FAM13C: variants seen among roughly 807,000 people sequenced by gnomAD.
FAM13C encodes family with sequence similarity 13 member C, also known as protein FAM13C.
FAM13C carries 37 observed loss-of-function variants against 73.2 expected under a neutral mutation model. That is an observed-to-expected ratio of 0.51 (90% CI 0.39 to 0.67). The LOEUF (loss-of-function observed/expected upper bound fraction) is 0.67, where lower values mean the gene tolerates loss of function less well. FAM13C is among the 30% of genes least tolerant of loss of function. The pLI, the probability that FAM13C is intolerant of heterozygous loss-of-function variation, is 0.00. For missense variants in FAM13C, 589 were observed against 715.6 expected, an observed-to-expected ratio of 0.82 and a Z score of 2.02; for synonymous variants, 246 against 260.9, an observed-to-expected ratio of 0.94 and a Z score of 0.55.
intron 3 of FAM13C, 59 bp from the exon 4 acceptor site, chr10:59,324,165 T>C: frequency 1.5e-6 from 2 of 1,341,966 alleles, no homozygotes; most frequent in Non-Finnish European, 1.0e-6. Context: ...TCCATAGCAT[T>C]ATTATGCTGG....
At chr10:59,332,754 A>G (rs767448857) in intron 3 of FAM13C, among the ~76,000 whole-genome samples, 4 of 152,188 alleles carry the variant, frequency 2.6e-5, no homozygotes, top group Non-Finnish European at 5.9e-5. Flanking sequence ...GTGAGTCAGC[A>G]CCTATGAATA....
intron 3 of FAM13C, among the ~76,000 whole-genome samples, chr10:59,333,989 C>A (rs1852376605): frequency 6.6e-6 from 1 of 152,214 alleles, no homozygotes; most frequent in Non-Finnish European, 1.5e-5. Context: ...GTCATTCCAG[C>A]ATTCCCCTTT....
chr10:59,304,818 G>GGGAAGGGAAGGGAAGGGAAGGGAA (rs1564554063), intron 4 of FAM13C, among the ~76,000 whole-genome samples: 1 of 66,634 alleles, frequency 1.5e-5, no homozygotes, highest in African/African-American at 5.1e-5. Context: ...GGGAAGGAAA[G>GGGAAGGGAAGGGAAGGGAAGGGAA]GGGAAGGGGA....
rs1852896300 is a variant in FAM13C at position 59,337,661 on chromosome 10, CTTTTTCTTTTTTTTTTTTTT to C, written c.325-13575_325-13556del. The stretch of plus-strand genomic sequence containing the variant: ...AGGAACTTTCCATTTTCTTTTTTTT[CTTTTTCTTTTTTTTTTTTTT>C]TTTTTTTTTTTTTTTGAGATAGAGT... On this transcript the variant is annotated intron_variant, in intron 3 of 13. Coordinates refer to ENST00000618804, the MANE Select transcript of FAM13C (RefSeq NM_198215.4). Among the ~76,000 whole-genome samples the C allele has an allele frequency of 5.9e-5, 5 of 84,400 alleles. No homozygotes were observed. The South Asian group carries it at 2.0e-3, about 34-fold the overall frequency. 55.4% of individuals were successfully genotyped at this position (84,400 alleles called of 152,430 possible).
chr10:59,334,675 T>A (rs1852493301), intron 3 of FAM13C, among the ~76,000 whole-genome samples: 1 of 147,162 alleles, frequency 6.8e-6, no homozygotes, highest in South Asian at 2.1e-4. Flanking sequence ...AACCAAACAC[T>A]GCATGTTCTT....
At chr10:59,316,692 G>A (rs1849568521) in intron 4 of FAM13C, among the ~76,000 whole-genome samples, 1 of 152,130 alleles carries the variant, frequency 6.6e-6, no homozygotes, top group Non-Finnish European at 1.5e-5. Flanking sequence ...AGTGGTATTT[G>A]CATATCTAAA....
At chr10:59,299,727 G>A (rs886859068) in intron 5 of FAM13C, among the ~76,000 whole-genome samples, 2 of 151,978 alleles carry the variant, frequency 1.3e-5, no homozygotes, top group Non-Finnish European at 1.5e-5. Flanking sequence ...GATTAAGGTG[G>A]ATGAGACACT....
chr10:59,248,595 C>T (rs566674573), intron 13 of FAM13C, among the ~76,000 whole-genome samples: 1 of 152,220 alleles, frequency 6.6e-6, no homozygotes, highest in South Asian at 2.1e-4. Flanking sequence ...TTTCCACCCA[C>T]GACTTTGAAA....
intron 9 of FAM13C, chr10:59,263,814 G>A: frequency 2.3e-6 from 1 of 436,006 alleles, no homozygotes; most frequent in South Asian, 2.4e-5. Flanking sequence ...GGAGGTTAGT[G>A]CTCCACATGT....
At chr10:59,327,741 T>TA (rs896905372) in intron 3 of FAM13C, 22 of 152,160 alleles carry the variant, frequency 1.4e-4, no homozygotes, top group South Asian at 4.1e-4. Flanking sequence ...TATTTTTACC[T>TA]AAAAAAACCC....
intron 3 of FAM13C, among the ~76,000 whole-genome samples, chr10:59,332,505 C>T (rs1852132074): frequency 6.6e-6 from 1 of 152,072 alleles, no homozygotes; most frequent in African/African-American, 2.4e-5. Flanking sequence ...GCCTGACCCA[C>T]TTGTTTCATA....
At chr10:59,326,953 T>G (rs1447578197) in intron 3 of FAM13C, among the ~76,000 whole-genome samples, 2 of 152,212 alleles carry the variant, frequency 1.3e-5, no homozygotes, top group African/African-American at 4.8e-5. Context: ...TTCTAAGATA[T>G]CATCAATTAT....
intron 3 of FAM13C, among the ~76,000 whole-genome samples, chr10:59,329,940 T>C (rs1234674295): frequency 2.0e-5 from 3 of 152,120 alleles, no homozygotes; most frequent in Non-Finnish European, 2.9e-5. Context: ...GCCAGAAAGA[T>C]TGCCTTTTAT....
chr10:59,360,648 G>A (rs530995527), intron 1 of FAM13C, among the ~76,000 whole-genome samples: 90 of 152,152 alleles, frequency 5.9e-4, no homozygotes, highest in African/African-American at 2.1e-3. Flanking sequence ...TTATACCTAT[G>A]AAGCTTTTGG....
intron 6 of FAM13C, among the ~76,000 whole-genome samples, chr10:59,273,042 A>C (rs1843898905): frequency 6.6e-6 from 1 of 152,210 alleles, no homozygotes; most frequent in Non-Finnish European, 1.5e-5. Flanking sequence ...GAAACTATTT[A>C]TTGTACTGCA....
intron 4 of FAM13C, among the ~76,000 whole-genome samples, 171 bp from the exon 5 acceptor site, chr10:59,303,035 G>A (rs888660150): frequency 6.6e-6 from 1 of 152,092 alleles, no homozygotes; most frequent in African/African-American, 2.4e-5. Flanking sequence ...GCACATTATA[G>A]CACTTGAACC....
chr10:59,306,903 G>T (rs284585), intron 4 of FAM13C, among the ~76,000 whole-genome samples: 88,952 of 151,942 alleles, frequency 0.59, 26,922 homozygotes, highest in Admixed American at 0.67. Flanking sequence ...GAATAATGGT[G>T]GTGAGAAACT....
intron 5 of FAM13C, among the ~76,000 whole-genome samples, chr10:59,292,890 C>G (rs1422554203): frequency 6.6e-6 from 1 of 151,990 alleles, no homozygotes; most frequent in Non-Finnish European, 1.5e-5. Flanking sequence ...CGTAGTAAAT[C>G]ATTATTGACG....
intron 5 of FAM13C, 125 bp from the exon 6 acceptor site, chr10:59,283,572 C>T (rs935648389): frequency 1.0e-5 from 9 of 897,556 alleles, no homozygotes; most frequent in Admixed American, 9.0e-5. Flanking sequence ...ACAGTGTGTC[C>T]GCAGCTCCCG....
Sources: allele counts gnomAD v4.1 joint callset (sites outside exome capture counted in the v4.1 genomes callset), GRCh38; gene constraint gnomAD v4.1.1; transcripts MANE v1.5; gene names NCBI Gene and HGNC (gene_info 2026-07-23, HGNC 2026-07-21).